The following PLCB4 variants were observed in gnomAD, a reference collection of about 807,000 sequenced individuals.
The protein encoded by PLCB4 is 1-phosphatidylinositol 4,5-bisphosphate phosphodiesterase beta-4.
Under a neutral mutation model 178.8 loss-of-function variants are expected in PLCB4, and 77 were observed. That is an observed-to-expected ratio of 0.43 (90% CI 0.36 to 0.52). PLCB4 has a LOEUF of 0.52. Ranked by LOEUF, PLCB4 falls within the 20% of genes least tolerant of loss-of-function variation. The pLI is 0.00. For missense variants in PLCB4, 1,024 were observed against 1,453.4 expected (o/e 0.70, Z 4.80); for synonymous variants, 496 against 490.8 (o/e 1.01, Z -0.14).
intron 2 of PLCB4, among the ~76,000 whole-genome samples, chr20:9,184,202 C>T (rs769339959): frequency 1.3e-5 from 2 of 152,138 alleles, no homozygotes; most frequent in Non-Finnish European, 2.9e-5. Context: ...GATCCTTGCT[C>T]AAAGGTGACC....
chr20:9,077,607 C>T (rs2089933837), intron 1 of PLCB4, among the ~76,000 whole-genome samples: 1 of 152,188 alleles, frequency 6.6e-6, no homozygotes, highest in Admixed American at 6.5e-5. Context: ...AATGTAAAAA[C>T]TCTTTTAAGA....
intron 4 of PLCB4, among the ~76,000 whole-genome samples, chr20:9,324,539 C>G (rs1306257265): frequency 2.0e-5 from 3 of 152,130 alleles, no homozygotes; most frequent in African/African-American, 7.2e-5. Context: ...TTCTCATTTC[C>G]CTAAGAAATG....
At chr20:9,394,657 T>C (rs1185438003) in intron 18 of PLCB4, among the ~76,000 whole-genome samples, 1 of 152,220 alleles carries the variant, frequency 6.6e-6, no homozygotes, top group African/African-American at 2.4e-5. Flanking sequence ...TTCACTACTA[T>C]AAACATGCTT....
At chr20:9,236,556 G>C (rs1399892088) in intron 3 of PLCB4, among the ~76,000 whole-genome samples, 3 of 152,146 alleles carry the variant, frequency 2.0e-5, no homozygotes, top group Non-Finnish European at 4.4e-5. Context: ...TTTCGTGTGT[G>C]TGTCTGTAGT....
At chr20:9,408,246 C>T (rs1040067746) in intron 22 of PLCB4, among the ~76,000 whole-genome samples, 188 bp downstream of exon 22, 2 of 152,186 alleles carry the variant, frequency 1.3e-5, no homozygotes, top group Admixed American at 1.3e-4. Flanking sequence ...TCATTCACGA[C>T]TTCAACCACA....
chr20:9,457,340 G>C (rs2043117347), intron 33 of PLCB4, 74 bp from the exon 34 acceptor site: 1 of 784,480 alleles, frequency 1.3e-6, no homozygotes, highest in Non-Finnish European at 2.3e-6. Flanking sequence ...TCATCAGAAA[G>C]CTTTGTAGCA....
chr20:9,216,038 A>G (rs1187270406), intron 2 of PLCB4, among the ~76,000 whole-genome samples: 1 of 152,184 alleles, frequency 6.6e-6, no homozygotes. Context: ...ACCTTATTAA[A>G]GGACTGTGCT....
chr20:9,384,879 G>A (rs1199703045), intron 14 of PLCB4, among the ~76,000 whole-genome samples: 1 of 151,760 alleles, frequency 6.6e-6, no homozygotes, highest in Admixed American at 6.6e-5. Context: ...AGGGTCATAG[G>A]ATAATAGTGG....
At chr20:9,428,603 G>A (rs555701913) in intron 28 of PLCB4, among the ~76,000 whole-genome samples, 5 of 152,268 alleles carry the variant, frequency 3.3e-5, no homozygotes, top group South Asian at 4.1e-4. Flanking sequence ...GGAACCCAAA[G>A]GACTAAGACA....
intron 14 of PLCB4, among the ~76,000 whole-genome samples, chr20:9,385,669 CG>C (rs1568705336): frequency 7.1e-6 from 1 of 141,476 alleles, no homozygotes; most frequent in African/African-American, 2.7e-5. Flanking sequence ...GGGTGGTGGC[CG>C]GGCAGAGGCG....
At position 9,368,580 on chromosome 20, in the gene PLCB4, C is replaced by T. The variant is rs569179254; in HGVS notation, c.504-2634C>T. The stretch of plus-strand genomic sequence containing the variant: ...AAGCATCCCTATATAATCAGCCCAA[C>T]CATGTCCTGAAGGCCCAGCAGCCCA... On this transcript the variant is annotated intron_variant, in intron 9 of 39. Coordinates refer to ENST00000378473, the MANE Select transcript of PLCB4 (RefSeq NM_001377142.1). Among the ~76,000 whole-genome samples the T allele has an allele frequency of 2.6e-5, 4 of 152,284 alleles. No homozygotes were observed. The South Asian group carries it at 8.3e-4, about 32-fold the overall frequency.
At chr20:9,441,252 G>T (rs1184502496) in intron 30 of PLCB4, among the ~76,000 whole-genome samples, 1 of 152,142 alleles carries the variant, frequency 6.6e-6, no homozygotes, top group African/African-American at 2.4e-5. Flanking sequence ...CTGTTCTTTT[G>T]TATGATAGTT....
chr20:9,278,841 C>G (rs1264117507), intron 3 of PLCB4, among the ~76,000 whole-genome samples: 1 of 152,030 alleles, frequency 6.6e-6, no homozygotes. Context: ...TCACACAAGG[C>G]CTGTTCATTT....
chr20:9,407,141 A>G lies in PLCB4; in HGVS notation c.1648-776A>G, dbSNP rs113662444. Reference sequence around the variant, plus strand: ...ACATAGTCCCCAAAGAGGCAGCATCATTAGCACCTGGGAACTAGTTACAGC... The same window carrying G: ...ACATAGTCCCCAAAGAGGCAGCATCGTTAGCACCTGGGAACTAGTTACAGC... On this transcript the variant is annotated intron_variant, in intron 21 of 39. Transcript: ENST00000378473. Among the ~76,000 whole-genome samples the G allele has an allele frequency of 1.4e-3, 208 of 152,286 alleles. 2 individuals carry two copies. Among genetic ancestry groups the G allele is most frequent in the African/African-American group, 4.5e-3 (189 of 41,558 alleles).
intron 3 of PLCB4, among the ~76,000 whole-genome samples, chr20:9,222,812 C>A (rs1217081922): frequency 6.6e-6 from 1 of 152,140 alleles, no homozygotes; most frequent in Non-Finnish European, 1.5e-5. Context: ...TAGAGAAACT[C>A]TGGTAAAAGG....
At chr20:9,321,136 G>T (rs142125508) in intron 4 of PLCB4, among the ~76,000 whole-genome samples, 8 of 152,328 alleles carry the variant, frequency 5.3e-5, no homozygotes, top group East Asian at 1.9e-4. Flanking sequence ...CCTTGACACA[G>T]TGCAAAGTAC....
chr20:9,357,861 A>G (rs530212619), intron 7 of PLCB4, among the ~76,000 whole-genome samples: 1 of 152,312 alleles, frequency 6.6e-6, no homozygotes, highest in South Asian at 2.1e-4. Flanking sequence ...ACAAAAACCA[A>G]ACTCACATCT....
At chr20:9,159,917 G>A (rs1217071404) in intron 2 of PLCB4, among the ~76,000 whole-genome samples, 2 of 152,208 alleles carry the variant, frequency 1.3e-5, no homozygotes, top group East Asian at 1.9e-4. Context: ...TTACCGTTCA[G>A]TGTGCTCGTG....
At chr20:9,472,045 G>A (rs932531321) in intron 36 of PLCB4, among the ~76,000 whole-genome samples, 3 of 152,226 alleles carry the variant, frequency 2.0e-5, no homozygotes, top group African/African-American at 7.2e-5. Flanking sequence ...TGAGGAAATA[G>A]TGTAGTCTGT....
Sources: gnomAD v4.1 joint callset for allele counts (sites outside exome capture counted in the v4.1 genomes callset) on GRCh38, gnomAD v4.1.1 for gene constraint, MANE v1.5 for transcripts, NCBI Gene and HGNC (gene_info 2026-07-23, HGNC 2026-07-21) for gene names.